The following MTM1 variants were observed in gnomAD, a reference collection of about 807,000 sequenced individuals.
The protein encoded by MTM1 is myotubularin.
A neutral mutation model predicts 52.1 loss-of-function variants in MTM1; 9 were observed. The ratio of observed to expected loss-of-function variants is 0.17; its 90% CI spans 0.10 to 0.30. MTM1 has a LOEUF of 0.30. Among genes scored for constraint, MTM1 ranks in the 10% least tolerant of loss-of-function variants. MTM1 has a pLI of 1.00. For synonymous variants in MTM1, 136 were observed against 163.8 expected, an observed-to-expected ratio of 0.83 and a Z score of 1.29; for missense variants, 277 against 470.7, an observed-to-expected ratio of 0.59 and a Z score of 3.81.
intron 7 of MTM1, among the ~76,000 whole-genome samples, chrX:150,641,052 A>G (rs1162171298): frequency 2.7e-5 from 3 of 112,095 alleles, no homozygotes; most frequent in African/African-American, 9.7e-5. Flanking sequence ...TTTACAAAGT[A>G]TAGTTTAGAA....
Position 150,598,594 on chromosome X carries a change from A to G in MTM1, c.139A>G (p.Lys47Glu), listed in dbSNP as rs1557412661. 8.6e-7 allele frequency: 1 copy of G among 1,161,869 alleles called. No individual in the cohort carries two copies. Among genetic ancestry groups the G allele is most frequent in the Non-Finnish European group, 1.2e-6 (1 of 850,767 alleles). The change falls in exon 4 of 15, where the codon AAA (lysine) becomes GAA (glutamate). Residue 47 changes from lysine to glutamate, a missense_variant and splice_region_variant. By Grantham distance (56) the Lys-to-Glu change is moderately conservative. Transcript: ENST00000370396. ...RLPGETLITDKEVIYICPFNG... is the reference protein window; with the variant it reads ...RLPGETLITDEEVIYICPFNG... ...GGGTACTTTTTTTATCTTAATAGAC[A>G]AAGAAGTTATTTACATATGTCCTTT...
At chrX:150,631,667 CAAAAAA>C (rs34042424) in intron 6 of MTM1, among the ~76,000 whole-genome samples, 3 of 35,462 alleles carry the variant, frequency 8.5e-5, no homozygotes, top group African/African-American at 1.3e-4. Flanking sequence ...ACTCCATCTC[CAAAAAA>C]AAAAAAAAAA....
chrX:150,660,306 ATCTT>A (rs2040197780), intron 12 of MTM1, 61 bp from the exon 13 acceptor site: 1 of 683,787 alleles, frequency 1.5e-6, no homozygotes, highest in East Asian at 3.3e-5. Context: ...TCTACAGTGT[ATCTT>A]TCTAATTTTA....
intron 6 of MTM1, among the ~76,000 whole-genome samples, chrX:150,631,388 G>A (rs782074900): frequency 4.5e-5 from 5 of 111,827 alleles, no homozygotes; most frequent in Non-Finnish European, 5.6e-5. Flanking sequence ...TCAGCCAGGC[G>A]TGGTGAGTCA....
chrX:150,621,999 A>G (rs782372674), intron 6 of MTM1, among the ~76,000 whole-genome samples: 2 of 111,063 alleles, frequency 1.8e-5, no homozygotes, highest in Non-Finnish European at 3.8e-5. Context: ...AAAAATCACT[A>G]TATGGAAACA....
At chrX:150,666,797 C>A (rs782789352) in intron 14 of MTM1, among the ~76,000 whole-genome samples, 1 of 111,810 alleles carries the variant, frequency 8.9e-6, no homozygotes, top group Admixed American at 9.4e-5. Context: ...CATTTCAGTT[C>A]GTGGTAGCGC....
chrX:150,640,266 A>G (rs2039826251), intron 7 of MTM1, among the ~76,000 whole-genome samples: 1 of 112,345 alleles, frequency 8.9e-6, no homozygotes, highest in Admixed American at 9.4e-5. Context: ...AGCTTGAAAC[A>G]AAACAGTTCC....
rs1226867343 is a variant in MTM1 at position 150,568,670 on chromosome X, C to A, written c.-11+8C>A. 1 of 113,167 alleles carries A rather than the reference C, an allele frequency of 8.8e-6. No individual in the cohort carries two copies. Among genetic ancestry groups the A allele is most frequent in the Non-Finnish European group, 1.9e-5 (1 of 53,285 alleles). 9.3% of individuals were successfully genotyped at this position (113,167 alleles called of 1,213,427 possible). A position where few individuals can be genotyped will look rare whatever the true frequency, so the allele number is the denominator to read the frequency against. On this transcript the variant is annotated splice_region_variant and intron_variant, in intron 1 of 14. Transcript: ENST00000370396. Reference sequence around the variant, plus strand: ...TGGCGCCCGGAGCCCGAGGTGGGTGCGCGCTCACGGCTGGCCTGGCTCGGA... The same window carrying A: ...TGGCGCCCGGAGCCCGAGGTGGGTGAGCGCTCACGGCTGGCCTGGCTCGGA...
At chrX:150,648,472 C>G (rs781861371) in intron 9 of MTM1, among the ~76,000 whole-genome samples, 2 of 112,704 alleles carry the variant, frequency 1.8e-5, no homozygotes, top group South Asian at 7.3e-4. Context: ...TTCTCCTTTC[C>G]TCTTCAGCCC....
chrX:150,592,529 T>C (rs966141904), intron 1 of MTM1, 76 bp from the exon 2 acceptor site: 8 of 780,534 alleles, frequency 1.0e-5, no homozygotes, highest in African/African-American at 4.1e-5. Context: ...AGTTGCCATA[T>C]TTAAGTCTCA....
At chrX:150,655,142 G>A (rs183163797) in intron 10 of MTM1, among the ~76,000 whole-genome samples, 72 of 109,705 alleles carry the variant, frequency 6.6e-4, no homozygotes, top group Non-Finnish European at 1.1e-3. Context: ...TGGCTAACAC[G>A]ATGAAACCCC....
rs2148526744 is a variant in MTM1, at chrX:150,672,760, T to A, written c.*1165T>A. 8.9e-6 allele frequency: 1 copy of A among 112,358 alleles called. No individual in the cohort carries two copies. Among genetic ancestry groups the A allele is most frequent in the African/African-American group, 3.2e-5 (1 of 31,009 alleles). 9.3% of individuals were successfully genotyped at this position (112,358 alleles called of 1,213,427 possible). ...ATTTATTAAGTATATTTGTAAAAGCTAAGGCTCGAGTTAAAACAATGAAGT... is the reference window on the plus strand; with the variant it reads ...ATTTATTAAGTATATTTGTAAAAGCAAAGGCTCGAGTTAAAACAATGAAGT... On this transcript the variant is annotated 3_prime_UTR_variant, in exon 15 of 15. Coordinates refer to ENST00000370396, the MANE Select transcript of MTM1 (RefSeq NM_000252.3).
intron 6 of MTM1, among the ~76,000 whole-genome samples, chrX:150,621,481 GATC>G (rs2039480456): frequency 9.0e-6 from 1 of 110,706 alleles, no homozygotes; most frequent in African/African-American, 3.3e-5. Context: ...TTTTAAATAT[GATC>G]ATGTTACTGT....
chrX:150,582,182 C>T (rs1426875662), intron 1 of MTM1, among the ~76,000 whole-genome samples: 1 of 111,136 alleles, frequency 9.0e-6, no homozygotes, highest in Admixed American at 9.6e-5. Context: ...TATATAGTTA[C>T]TGATTGTGAA....
intron 4 of MTM1, among the ~76,000 whole-genome samples, chrX:150,599,010 A>G: frequency 9.0e-6 from 1 of 111,587 alleles, no homozygotes; most frequent in East Asian, 2.8e-4. Flanking sequence ...ATGGAGCTTA[A>G]CAACACAGTA....
rs782088564 is a variant in MTM1 at position 150,575,494 on chromosome X, G to A, written c.-11+6832G>A. Among the ~76,000 whole-genome samples the A allele has an allele frequency of 1.9e-4, 21 of 112,206 alleles. No homozygotes were observed. In the South Asian group the frequency reaches 7.1e-3, roughly 38 times the overall value. On this transcript the variant is annotated intron_variant, in intron 1 of 14. Coordinates refer to ENST00000370396, the MANE Select transcript of MTM1 (RefSeq NM_000252.3). ...ACACAGATTCTGACTCAGTGGTTCCGGGATGGGCCCGGAGAGCTTTTTCTT... is the reference window on the plus strand; with the variant it reads ...ACACAGATTCTGACTCAGTGGTTCCAGGATGGGCCCGGAGAGCTTTTTCTT...
chrX:150,589,371 G>A (rs1477151675), intron 1 of MTM1, among the ~76,000 whole-genome samples: 2 of 111,803 alleles, frequency 1.8e-5, no homozygotes, highest in Admixed American at 1.9e-4. Context: ...AGTGATAGAA[G>A]TCTACCTCTG....
chrX:150,648,379 T>C (rs2039969023), intron 9 of MTM1, among the ~76,000 whole-genome samples: 1 of 112,206 alleles, frequency 8.9e-6, no homozygotes, highest in South Asian at 3.7e-4. Flanking sequence ...CTTCTATCCA[T>C]GGCTACAAGC....
chrX:150,655,324 CAAAA>C (rs782639017), intron 10 of MTM1, among the ~76,000 whole-genome samples: 1 of 42,653 alleles, frequency 2.3e-5, no homozygotes, highest in Admixed American at 3.0e-4. Flanking sequence ...GACTCTGTCT[CAAAA>C]AAAAAAAAAA....
Sources: allele counts gnomAD v4.1 joint callset (sites outside exome capture counted in the v4.1 genomes callset), GRCh38; gene constraint gnomAD v4.1.1; transcripts MANE v1.5; gene names NCBI Gene and HGNC (gene_info 2026-07-23, HGNC 2026-07-21).